ADGRE2: variants seen among roughly 807,000 people sequenced by gnomAD.
The protein encoded by ADGRE2 is adhesion G protein-coupled receptor E2.
ADGRE2 carries 83 observed loss-of-function variants against 100.8 expected under a neutral mutation model. The ratio of observed to expected loss-of-function variants is 0.82; its 90% CI spans 0.69 to 0.99. ADGRE2 has a LOEUF of 0.99. Ranked by LOEUF, ADGRE2 falls within the 50% of genes least tolerant of loss-of-function variation. ADGRE2 has a pLI of 0.00. For synonymous variants in ADGRE2, 355 were observed against 413.0 expected, an observed-to-expected ratio of 0.86 and a Z score of 1.70; for missense variants, 814 against 1,035.7, an observed-to-expected ratio of 0.79 and a Z score of 2.94.
chr19:14,743,289 G>T, intron 20 of ADGRE2, 131 bp downstream of exon 20: 1 of 740,466 alleles, frequency 1.4e-6, no homozygotes, highest in Non-Finnish European at 2.4e-6. Context: ...TGGTTAATGA[G>T]TCAAGGCGTA....
At chr19:14,756,401 G>A in intron 11 of ADGRE2, 56 bp from the exon 12 acceptor site, 1 of 1,141,952 alleles carries the variant, frequency 8.8e-7, no homozygotes. Context: ...TGCCTGCAGT[G>A]GTTGATATAC....
intron 6 of ADGRE2, among the ~76,000 whole-genome samples, 193 bp downstream of exon 6, chr19:14,766,785 G>C (rs1014951172): frequency 3.3e-5 from 5 of 152,226 alleles, no homozygotes; most frequent in Non-Finnish European, 7.3e-5. Flanking sequence ...TCCAAGCCCT[G>C]AAGGCCCTGC....
chr19:14,756,787 G>C (rs560255368), intron 11 of ADGRE2, among the ~76,000 whole-genome samples: 1 of 152,210 alleles, frequency 6.6e-6, no homozygotes, highest in South Asian at 2.1e-4. Flanking sequence ...ACCAGATGAA[G>C]ACATCACAAG....
At position 14,751,624 on chromosome 19, in the gene ADGRE2, G is replaced by A; in HGVS notation, c.1836C>T (p.Ala612=). The change falls in exon 16 of 21, where the codon GCC becomes GCT. Residue 612 remains alanine, a synonymous_variant. Transcript: ENST00000315576. ...IAGTLHYLYL[A]TLTWMLLEAL... is the part of the protein sequence containing the mutation. ...CCTCCAGCAGCATCCAGGTCAAGGT[G>A]GCCAGGTAGAGATAGTGCAAGGTAC... The A allele has an allele frequency of 6.2e-7, 1 of 1,614,044 alleles. No individual in the cohort carries two copies.
intron 11 of ADGRE2, among the ~76,000 whole-genome samples, chr19:14,757,320 A>G (rs1474332800): frequency 4.6e-5 from 7 of 152,236 alleles, no homozygotes; most frequent in African/African-American, 7.2e-5. Flanking sequence ...TAGAGACTCA[A>G]TGCAATCCCT....
chr19:14,772,264 C>T (rs2044238222), intron 5 of ADGRE2, 78 bp downstream of exon 5: 3 of 1,592,922 alleles, frequency 1.9e-6, no homozygotes, highest in African/African-American at 2.7e-5. Context: ...GTACCTGCTC[C>T]CTGGATGCTG....
intron 15 of ADGRE2, among the ~76,000 whole-genome samples, chr19:14,751,931 A>ATT (rs199828270): frequency 2.1e-4 from 28 of 133,756 alleles, no homozygotes; most frequent in East Asian, 6.4e-4. Flanking sequence ...ATATATATAT[A>ATT]TTTTTTTTTT....
intron 3 of ADGRE2, 34 bp from the exon 4 acceptor site, chr19:14,774,088 G>A (rs774495863): frequency 1.0e-5 from 16 of 1,596,436 alleles, no homozygotes; most frequent in Non-Finnish European, 1.3e-5. Context: ...AGAAGGTGAG[G>A]GGTAAGGGAA....
chr19:14,760,114 G>A (rs992067541), intron 11 of ADGRE2, among the ~76,000 whole-genome samples: 20 of 152,030 alleles, frequency 1.3e-4, no homozygotes, highest in South Asian at 6.2e-4. Context: ...CACCGTGCCC[G>A]GCCCAAGTTC....
At chr19:14,748,752 C>T (rs575066080) in intron 16 of ADGRE2, among the ~76,000 whole-genome samples, 3 of 152,114 alleles carry the variant, frequency 2.0e-5, no homozygotes, top group South Asian at 2.1e-4. Context: ...AAACCAAAAA[C>T]GGAAAAAGAG....
intron 20 of ADGRE2, 23 bp from the exon 21 acceptor site, chr19:14,736,267 T>A (rs774859988): frequency 6.8e-7 from 1 of 1,479,340 alleles, no homozygotes; most frequent in South Asian, 1.2e-5. Flanking sequence ...TATATGTATG[T>A]ATTTTGTTGT....
chr19:14,774,663 C>T (rs2044352785), intron 2 of ADGRE2, among the ~76,000 whole-genome samples: 1 of 75,578 alleles, frequency 1.3e-5, no homozygotes, highest in Admixed American at 1.2e-4. Flanking sequence ...TGAGTACCGC[C>T]ATATTTTAAA....
chr19:14,754,439 T>TTATCTATC (rs58065037), intron 14 of ADGRE2, among the ~76,000 whole-genome samples: 3,091 of 126,304 alleles, frequency 0.024, 54 homozygotes, highest in Non-Finnish European at 0.029. Context: ...CAGGCAGAAA[T>TTATCTATC]TATCTATCTA....
intron 20 of ADGRE2, among the ~76,000 whole-genome samples, 185 bp downstream of exon 20, chr19:14,743,235 T>A (rs2042982058): frequency 6.6e-6 from 1 of 152,022 alleles, no homozygotes; most frequent in African/African-American, 2.4e-5. Context: ...GATGACAGGC[T>A]ATGACTGATT....
intron 20 of ADGRE2, chr19:14,741,777 G>A: frequency 3.1e-6 from 1 of 322,018 alleles, no homozygotes. Context: ...GAGTCACTGT[G>A]CCTGGCCGAG....
In ADGRE2 at chr19:14,746,914, A is replaced by G; in HGVS notation, c.2073T>C (p.Pro691=). 3 of 1,613,898 alleles carry G rather than the reference A, an allele frequency of 1.9e-6. No homozygotes were observed. Among genetic ancestry groups the G allele is most frequent in the Non-Finnish European group, 2.5e-6 (3 of 1,179,914 alleles). ...CACTCACAGAGAAGATGGCGCAGACAGGTCCAAGGAAGCCCCATATAAATC... is the reference window on the plus strand; with the variant it reads ...CACTCACAGAGAAGATGGCGCAGACGGGTCCAAGGAAGCCCCATATAAATC... ...EKGFIWGFLG[P]VCAIFSVNLV... is the part of the protein sequence containing the mutation. Residue 691 remains proline (P), a synonymous_variant, in exon 17 of 21, where the codon CCT becomes CCC. Transcript: ENST00000315576.
intron 20 of ADGRE2, among the ~76,000 whole-genome samples, chr19:14,742,879 T>C (rs1224701033): frequency 6.6e-6 from 1 of 152,066 alleles, no homozygotes; most frequent in African/African-American, 2.4e-5. Flanking sequence ...AGTGTTTGTG[T>C]GTGAGAGTCA....
chr19:14,772,314 G>A (rs773429448), intron 5 of ADGRE2, 28 bp downstream of exon 5: 2 of 1,613,932 alleles, frequency 1.2e-6, no homozygotes, highest in Non-Finnish European at 1.7e-6. Context: ...ATGGACAGTG[G>A]TGATGGAGGA....
intron 5 of ADGRE2, among the ~76,000 whole-genome samples, chr19:14,767,911 T>G (rs1297732514): frequency 2.0e-5 from 3 of 152,214 alleles, no homozygotes; most frequent in East Asian, 3.8e-4. Flanking sequence ...GCTCACCCTC[T>G]TGGCTGGGCA....
Sources: gnomAD v4.1 joint callset for allele counts (sites outside exome capture counted in the v4.1 genomes callset) on GRCh38, gnomAD v4.1.1 for gene constraint, MANE v1.5 for transcripts, NCBI Gene and HGNC (gene_info 2026-07-23, HGNC 2026-07-21) for gene names.